ABCD3: variants seen among roughly 807,000 people sequenced by gnomAD.
ABCD3 encodes the protein ATP binding cassette subfamily D member 3.
A neutral mutation model predicts 105.5 loss-of-function variants in ABCD3; 41 were observed. The observed-to-expected ratio is 0.39, with a 90% confidence interval of 0.30 to 0.50. The LOEUF (loss-of-function observed/expected upper bound fraction) is 0.50. Ranked by LOEUF, ABCD3 falls within the 20% of genes least tolerant of loss-of-function variation. The probability of loss-of-function intolerance (pLI) is 0.84; values close to 1 mark genes in which losing one functional copy is unlikely to be tolerated. For missense variants in ABCD3, 622 were observed against 806.3 expected (o/e 0.77, Z 2.77); for synonymous variants, 258 against 269.0 (o/e 0.96, Z 0.40).
intron 1 of ABCD3, among the ~76,000 whole-genome samples, chr1:94,420,328 A>C (rs990169825): frequency 6.6e-6 from 1 of 152,204 alleles, no homozygotes; most frequent in Admixed American, 6.5e-5. Flanking sequence ...TGCTAAGGGA[A>C]ATTTTAAACA....
chr1:94,486,354 A>G (rs1416516383), intron 10 of ABCD3, among the ~76,000 whole-genome samples: 1 of 152,206 alleles, frequency 6.6e-6, no homozygotes, highest in Non-Finnish European at 1.5e-5. Flanking sequence ...ACAGTCTCTA[A>G]TTATCTTGTT....
chr1:94,434,907 C>T (rs1659841726), intron 1 of ABCD3, among the ~76,000 whole-genome samples: 1 of 152,124 alleles, frequency 6.6e-6, no homozygotes, highest in Non-Finnish European at 1.5e-5. Flanking sequence ...ATAATCGCAT[C>T]TTTGTGTTTC....
chr1:94,506,987 T>G (rs1650390530), intron 21 of ABCD3, among the ~76,000 whole-genome samples: 1 of 151,912 alleles, frequency 6.6e-6, no homozygotes, highest in Non-Finnish European at 1.5e-5. Flanking sequence ...ATTTATTTAT[T>G]TTTTAATTTA....
intron 1 of ABCD3, among the ~76,000 whole-genome samples, chr1:94,429,074 G>A (rs780454332): frequency 1.3e-5 from 2 of 152,166 alleles, no homozygotes; most frequent in East Asian, 1.9e-4. Context: ...AACTTGTTGG[G>A]AACTGGAGCA....
chr1:94,490,030 A>G, intron 15 of ABCD3, 55 bp downstream of exon 15: 1 of 1,482,850 alleles, frequency 6.7e-7, no homozygotes, highest in Non-Finnish European at 9.4e-7. Context: ...ACTTCATAGT[A>G]GTCTTTCTTT....
At chr1:94,388,761 T>C in the ABCD3 span, among the ~76,000 whole-genome samples, 312 of 152,230 alleles carry the variant, frequency 2.0e-3, 1 homozygote, top group African/African-American at 7.1e-3. Flanking sequence ...AGTCTTGCAT[T>C]CAGGTAGTTT....
At chr1:94,438,143 C>T (rs779308205) in intron 1 of ABCD3, among the ~76,000 whole-genome samples, 3 of 151,868 alleles carry the variant, frequency 2.0e-5, no homozygotes, top group Admixed American at 6.6e-5. Flanking sequence ...AAAAATTAGC[C>T]GGGTGTGGTG....
At chr1:94,417,992 C>A (rs1170176189), upstream of ABCD3, among the ~76,000 whole-genome samples, 3 of 152,236 alleles carry the variant, frequency 2.0e-5, no homozygotes, top group Non-Finnish European at 2.9e-5. Context: ...GGGCCGTCCG[C>A]CTCCTTCCTG....
Position 94,487,756 on chromosome 1 carries a change from C to G in ABCD3, c.1030C>G (p.Arg344Gly), listed in dbSNP as rs1214023374. 2.5e-6 allele frequency: 4 copies of G among 1,613,780 alleles called. No homozygotes were observed. Among genetic ancestry groups the G allele is most frequent in the Non-Finnish European group, 3.4e-6 (4 of 1,179,934 alleles). Residue 344 changes from arginine to glycine, a missense_variant, in exon 12 of 23, where the codon CGA becomes GGA. Physicochemically the swap from Arg to Gly is moderately radical, Grantham distance 125 (BLOSUM62 -2). This residue lies in a region of ABCD3 where 245 missense variants were observed against 356.4 expected (regional missense o/e 0.69). Coordinates refer to ENST00000370214, the MANE Select transcript of ABCD3 (RefSeq NM_002858.4). ...SRPFLDLSHPRHLKSTHSELL... is the reference protein window; with the variant it reads ...SRPFLDLSHPGHLKSTHSELL... Reference sequence around the variant, plus strand: ...CCCTTTCTTAGATTTGTCTCATCCTCGACATCTCAAGAGTACACATTCGGA... The same window carrying G: ...CCCTTTCTTAGATTTGTCTCATCCTGGACATCTCAAGAGTACACATTCGGA...
intron 1 of ABCD3, among the ~76,000 whole-genome samples, chr1:94,451,836 A>G (rs1240434268): frequency 6.6e-6 from 1 of 152,164 alleles, no homozygotes; most frequent in Non-Finnish European, 1.5e-5. Context: ...ATACTTTGCC[A>G]TTTGAGATAT....
chr1:94,480,666 T>C, intron 9 of ABCD3, 60 bp downstream of exon 9: 1 of 1,574,094 alleles, frequency 6.4e-7, no homozygotes, highest in South Asian at 1.1e-5. Context: ...TTGATGTCAT[T>C]TAAATTGACT....
chr1:94,495,028 C>T (rs970901908), intron 16 of ABCD3, among the ~76,000 whole-genome samples: 5 of 152,060 alleles, frequency 3.3e-5, no homozygotes, highest in Non-Finnish European at 5.9e-5. Flanking sequence ...TTGCAGTGAG[C>T]GGAGATCGCA....
chr1:94,435,134 G>A (rs954747240), intron 1 of ABCD3, among the ~76,000 whole-genome samples: 1 of 151,964 alleles, frequency 6.6e-6, no homozygotes, highest in African/African-American at 2.4e-5. Context: ...TTCATCCTTT[G>A]TATTTCCCAT....
In ABCD3 at chr1:94,498,947, A is replaced by G. The variant is rs1446066367; in HGVS notation, c.1533A>G (p.Arg511=). 4 of 1,613,728 alleles carry G rather than the reference A, an allele frequency of 2.5e-6. No individual in the cohort carries two copies. The highest frequency in any genetic ancestry group is 2.5e-6 in the Non-Finnish European group (3 of 1,179,748). ...GACTTTTGCTCTACTACTGTCAGAG[A>G]CCTTACATGACCCTTGGAACACTTC... ...ERGKLFYVPQ[R]PYMTLGTLRD... is the part of the protein sequence containing the mutation. The change falls in exon 19 of 23, where the codon AGA becomes AGG. Residue 511 remains arginine, a splice_region_variant and synonymous_variant. Coordinates refer to ENST00000370214, the MANE Select transcript of ABCD3 (RefSeq NM_002858.4).
intron 16 of ABCD3, among the ~76,000 whole-genome samples, 167 bp from the exon 17 acceptor site, chr1:94,498,435 C>G (rs968957471): frequency 6.6e-6 from 1 of 151,904 alleles, no homozygotes; most frequent in African/African-American, 2.4e-5. Context: ...AGTAAAAGGT[C>G]CCTTCACAAT....
Position 94,517,227 on chromosome 1 carries a change from T to G in ABCD3, c.*98T>G. The G allele has an allele frequency of 1.1e-6, 1 of 947,334 alleles. No individual in the cohort carries two copies. The highest frequency in any genetic ancestry group is 1.4e-5 in the South Asian group (1 of 71,436). The allele number at this position is 947,334 out of a possible 1,614,324, so 58.7% of individuals were successfully genotyped here. A position where few individuals can be genotyped will look rare whatever the true frequency, so the allele number is the denominator to read the frequency against. On this transcript the variant is annotated 3_prime_UTR_variant, in exon 23 of 23. Transcript: ENST00000370214. ...AAAATAAAGTTGAGCTTAGTTTTTT[T>G]TAAAAAAAAAAACAAAGCAACAAAT...
intron 21 of ABCD3, among the ~76,000 whole-genome samples, chr1:94,508,381 T>C (rs1650471356): frequency 6.6e-6 from 1 of 152,144 alleles, no homozygotes; most frequent in Non-Finnish European, 1.5e-5. Context: ...ACCATGCTGT[T>C]TTGGTTACTG....
chr1:94,454,204 T>G (rs1304626848), intron 1 of ABCD3, among the ~76,000 whole-genome samples: 1 of 152,058 alleles, frequency 6.6e-6, no homozygotes, highest in Admixed American at 6.6e-5. Context: ...CATGAGAAAT[T>G]TTGATGGCCT....
At chr1:94,423,071 C>G (rs1659324114) in intron 1 of ABCD3, among the ~76,000 whole-genome samples, 1 of 152,124 alleles carries the variant, frequency 6.6e-6, no homozygotes, top group Non-Finnish European at 1.5e-5. Flanking sequence ...CTACACTGTT[C>G]TTTGAACAGG....
Sources: gnomAD v4.1 joint callset for allele counts (sites outside exome capture counted in the v4.1 genomes callset) on GRCh38, gnomAD v4.1.1 for gene constraint, gnomAD v4.1.1 regional missense constraint, MANE v1.5 for transcripts, NCBI Gene and HGNC (gene_info 2026-07-23, HGNC 2026-07-21) for gene names.